Variants in MACROD2 observed in about 807,000 individuals in gnomAD.
MACROD2 encodes ADP-ribose glycohydrolase MACROD2.
MACROD2 carries 36 observed loss-of-function variants against 70.4 expected under a neutral mutation model. That is an observed-to-expected ratio of 0.51 (90% CI 0.39 to 0.68). MACROD2 has a LOEUF of 0.68. Among genes scored for constraint, MACROD2 ranks in the 30% least tolerant of loss-of-function variants. The pLI is 0.00. For synonymous variants in MACROD2, 172 were observed against 178.8 expected (o/e 0.96, Z 0.30); for missense variants, 496 against 538.4 (o/e 0.92, Z 0.78).
At chr20:15,440,901 C>T (rs977920150) in intron 7 of MACROD2, among the ~76,000 whole-genome samples, 7 of 152,138 alleles carry the variant, frequency 4.6e-5, no homozygotes, top group African/African-American at 1.7e-4. Flanking sequence ...AAAATCTCTG[C>T]TCTGGCAACC....
At chr20:14,289,628 T>C (rs2082370067) in intron 3 of MACROD2, among the ~76,000 whole-genome samples, 1 of 152,198 alleles carries the variant, frequency 6.6e-6, no homozygotes, top group African/African-American at 2.4e-5. Context: ...TGCAGCCTTG[T>C]TCTCCTGGGC....
At chr20:14,812,461 C>T (rs1443099620) in intron 5 of MACROD2, among the ~76,000 whole-genome samples, 1 of 151,486 alleles carries the variant, frequency 6.6e-6, no homozygotes, top group African/African-American at 2.4e-5. Flanking sequence ...AGGAGAAATA[C>T]CTAATGTAGG....
intron 9 of MACROD2, among the ~76,000 whole-genome samples, chr20:15,882,495 G>GGCAGAGGATGGAAGACAATTGTGTTCC (rs1314357538): frequency 6.6e-6 from 1 of 152,016 alleles, no homozygotes; most frequent in Non-Finnish European, 1.5e-5. Context: ...TGAGATTTCA[G>GGCAGAGGATGGAAGACAATTGTGTTCC]GCAGAGGATG....
chr20:15,116,121 A>T (rs1044650223), intron 5 of MACROD2, among the ~76,000 whole-genome samples: 1 of 152,216 alleles, frequency 6.6e-6, no homozygotes, highest in Non-Finnish European at 1.5e-5. Flanking sequence ...GAAAAGTGTT[A>T]CGAAGTTTCT....
At chr20:15,123,928 G>A (rs1292274688) in intron 5 of MACROD2, among the ~76,000 whole-genome samples, 1 of 152,084 alleles carries the variant, frequency 6.6e-6, no homozygotes, top group Non-Finnish European at 1.5e-5. Flanking sequence ...ATATCCATCT[G>A]AGATGCTAGC....
At chr20:15,759,471 T>C (rs752393666) in intron 8 of MACROD2, among the ~76,000 whole-genome samples, 1 of 152,188 alleles carries the variant, frequency 6.6e-6, no homozygotes, top group African/African-American at 2.4e-5. Context: ...ATAATTTACA[T>C]GTTTAATTGA....
At chr20:14,722,231 G>A (rs1033870822) in intron 5 of MACROD2, among the ~76,000 whole-genome samples, 4 of 152,144 alleles carry the variant, frequency 2.6e-5, no homozygotes, top group Non-Finnish European at 4.4e-5. Flanking sequence ...CTTTGCTGGC[G>A]CAGTGTCCAC....
chr20:14,463,493 T>C (rs1182611979), intron 3 of MACROD2, among the ~76,000 whole-genome samples: 1 of 152,118 alleles, frequency 6.6e-6, no homozygotes, highest in Non-Finnish European at 1.5e-5. Context: ...AGGGACAACT[T>C]GACTTCCTCT....
chr20:15,565,935 T>A (rs1375770690), intron 8 of MACROD2, among the ~76,000 whole-genome samples: 4 of 152,096 alleles, frequency 2.6e-5, no homozygotes, highest in Non-Finnish European at 4.4e-5. Context: ...AGAGTACTAA[T>A]CCTTTTCCTG....
At chr20:15,476,094 T>C (rs1600466912) in intron 7 of MACROD2, among the ~76,000 whole-genome samples, 1 of 152,242 alleles carries the variant, frequency 6.6e-6, no homozygotes, top group African/African-American at 2.4e-5. Flanking sequence ...TTTTATTAAG[T>C]TGTAATACAA....
intron 7 of MACROD2, among the ~76,000 whole-genome samples, chr20:15,470,777 T>G (rs963594287): frequency 2.6e-5 from 4 of 152,228 alleles, no homozygotes; most frequent in Admixed American, 2.6e-4. Flanking sequence ...TGTATTCTTC[T>G]GCCTCTATTT....
chr20:14,544,519 A>G (rs2085469169), intron 4 of MACROD2, among the ~76,000 whole-genome samples: 1 of 152,162 alleles, frequency 6.6e-6, no homozygotes, highest in African/African-American at 2.4e-5. Flanking sequence ...TTTCGAGTCC[A>G]TATGGTAGGA....
At chr20:14,121,505 G>T (rs2054588848) in intron 3 of MACROD2, among the ~76,000 whole-genome samples, 1 of 152,108 alleles carries the variant, frequency 6.6e-6, no homozygotes, top group East Asian at 1.9e-4. Context: ...GGGGTTTTAG[G>T]ACTCCTTGTC....
At chr20:15,422,207 GGAA>G (rs1456384054) in intron 6 of MACROD2, among the ~76,000 whole-genome samples, 2 of 152,116 alleles carry the variant, frequency 1.3e-5, no homozygotes, top group Non-Finnish European at 2.9e-5. Flanking sequence ...GTTGAGTTGA[GGAA>G]GAGGACATGA....
At chr20:14,838,833 C>A (rs2073057597) in intron 5 of MACROD2, among the ~76,000 whole-genome samples, 2 of 152,042 alleles carry the variant, frequency 1.3e-5, no homozygotes, top group African/African-American at 4.8e-5. Flanking sequence ...TAGATTAAAT[C>A]CCTACTCCCA....
chr20:14,376,976 C>T (rs1177620877), intron 3 of MACROD2, among the ~76,000 whole-genome samples: 2 of 151,916 alleles, frequency 1.3e-5, no homozygotes, highest in Non-Finnish European at 2.9e-5. Context: ...AAAATATTGG[C>T]ATAACTTCCA....
chr20:15,059,935 T>C (rs1280686489), intron 5 of MACROD2, among the ~76,000 whole-genome samples: 5 of 152,162 alleles, frequency 3.3e-5, no homozygotes, highest in Admixed American at 2.0e-4. Flanking sequence ...AAAAAGAAGA[T>C]GACACTAGAA....
At chr20:15,585,745 C>G (rs1295423173) in intron 8 of MACROD2, among the ~76,000 whole-genome samples, 1 of 142,244 alleles carries the variant, frequency 7.0e-6, no homozygotes, top group African/African-American at 2.7e-5. Flanking sequence ...TGGTTGCCTT[C>G]TTTTCCCTAT....
intron 8 of MACROD2, among the ~76,000 whole-genome samples, chr20:15,642,200 T>C (rs2049470440): frequency 6.6e-6 from 1 of 152,216 alleles, no homozygotes; most frequent in Non-Finnish European, 1.5e-5. Flanking sequence ...GAAATCAGTG[T>C]AGCTCATTTC....
Sources: gnomAD v4.1 joint callset for allele counts (sites outside exome capture counted in the v4.1 genomes callset) on GRCh38, gnomAD v4.1.1 for gene constraint, MANE v1.5 for transcripts, NCBI Gene and HGNC (gene_info 2026-07-23, HGNC 2026-07-21) for gene names.